ADK: variants seen among roughly 807,000 people sequenced by gnomAD.
The protein encoded by ADK is N6,N6-dimethyladenosine kinase.
A neutral mutation model predicts 44.7 loss-of-function variants in ADK; 24 were observed. That is an observed-to-expected ratio of 0.54 (90% CI 0.39 to 0.76). The LOEUF is 0.76. ADK is among the 30% of genes least tolerant of loss of function. The pLI, the probability that ADK is intolerant of heterozygous loss-of-function variation, is 0.00. For missense variants in ADK, 321 were observed against 425.1 expected, an observed-to-expected ratio of 0.76 and a Z score of 2.15; for synonymous variants, 128 against 142.6, an observed-to-expected ratio of 0.90 and a Z score of 0.73.
At chr10:74,292,068 T>C (rs1262770533) in intron 3 of ADK, among the ~76,000 whole-genome samples, 1 of 152,118 alleles carries the variant, frequency 6.6e-6, no homozygotes, top group African/African-American at 2.4e-5. Context: ...TTTTTCTTTT[T>C]CTCAAATGTA....
At chr10:74,152,974 G>A (rs4638254) in intron 1 of ADK, among the ~76,000 whole-genome samples, 70,908 of 151,984 alleles carry the variant, frequency 0.47, 18,500 homozygotes, top group Non-Finnish European at 0.59. Flanking sequence ...TTTTAGGATC[G>A]GCTATTATTA....
At chr10:74,608,520 T>G (rs1198769722) in intron 9 of ADK, among the ~76,000 whole-genome samples, 1 of 152,038 alleles carries the variant, frequency 6.6e-6, no homozygotes, top group Non-Finnish European at 1.5e-5. Flanking sequence ...TTTCTGGAGG[T>G]CCACTCCAGA....
chr10:74,670,290 T>C (rs746808359), intron 10 of ADK, 21 bp downstream of exon 10: 2 of 1,579,040 alleles, frequency 1.3e-6, no homozygotes, highest in Non-Finnish European at 1.7e-6. Flanking sequence ...ATTTATTTCA[T>C]TCTTACTTAC....
intron 1 of ADK, among the ~76,000 whole-genome samples, chr10:74,173,589 C>T (rs1842232518): frequency 6.6e-6 from 1 of 151,542 alleles, no homozygotes; most frequent in African/African-American, 2.4e-5. Flanking sequence ...TGCCACCGCG[C>T]CCAACTAATT....
chr10:74,547,183 A>G (rs1416806146), intron 7 of ADK, among the ~76,000 whole-genome samples: 1 of 152,030 alleles, frequency 6.6e-6, no homozygotes, highest in East Asian at 1.9e-4. Flanking sequence ...CTCTAAATAT[A>G]TGTGCTTAAC....
chr10:74,224,706 T>A, intron 3 of ADK, 115 bp downstream of exon 3: 1 of 816,614 alleles, frequency 1.2e-6, no homozygotes, highest in Non-Finnish European at 2.1e-6. Context: ...TAATTAACAC[T>A]ATGACCTTAA....
At chr10:74,351,854 A>G (rs1222714739) in intron 4 of ADK, among the ~76,000 whole-genome samples, 2 of 152,188 alleles carry the variant, frequency 1.3e-5, no homozygotes, top group East Asian at 3.8e-4. Flanking sequence ...AATACAACTT[A>G]TAAGGGATGT....
chr10:74,580,658 C>A (rs1199390594), intron 7 of ADK, among the ~76,000 whole-genome samples: 1 of 151,942 alleles, frequency 6.6e-6, no homozygotes, highest in Non-Finnish European at 1.5e-5. Flanking sequence ...CGTGCTCCTC[C>A]TTGCCTTCTG....
At position 74,606,436 on chromosome 10, in the gene ADK, C is replaced by G. The variant is rs146204535; in HGVS notation, c.877+5943C>G. 9.9e-5 allele frequency among the ~76,000 whole-genome samples: 15 copies of G among 151,864 alleles called. No individual in the cohort carries two copies. The East Asian group carries it at 2.9e-3, about 29-fold the overall frequency. On this transcript the variant is annotated intron_variant, in intron 9 of 10. Transcript: ENST00000539909. ...GCTGTGTCCCAGAGATTCGTTGGGT[C>G]TCTGTTCTCATTGGTTTTAAAGAAC...
chr10:74,290,848 A>G (rs1371375015), intron 3 of ADK, among the ~76,000 whole-genome samples: 2 of 152,142 alleles, frequency 1.3e-5, no homozygotes, highest in Non-Finnish European at 2.9e-5. Flanking sequence ...TGAATTTTCT[A>G]ATCTTGTGGA....
intron 3 of ADK, among the ~76,000 whole-genome samples, chr10:74,267,616 C>T (rs1846256997): frequency 6.6e-6 from 1 of 152,044 alleles, no homozygotes; most frequent in Non-Finnish European, 1.5e-5. Context: ...ATTATTGGAT[C>T]ACATATCTAA....
chr10:74,437,214 A>G (rs1244886202), intron 6 of ADK, among the ~76,000 whole-genome samples: 2 of 152,204 alleles, frequency 1.3e-5, no homozygotes, highest in East Asian at 3.8e-4. Flanking sequence ...TTTGACAAAA[A>G]TCTGAAGTTC....
At chr10:74,391,176 G>A (rs1228703983) in intron 4 of ADK, among the ~76,000 whole-genome samples, 1 of 151,988 alleles carries the variant, frequency 6.6e-6, no homozygotes, top group Non-Finnish European at 1.5e-5. Context: ...ATTGTCATAA[G>A]AGCATACTGA....
At chr10:74,610,213 A>G (rs772977220) in intron 9 of ADK, among the ~76,000 whole-genome samples, 1 of 152,224 alleles carries the variant, frequency 6.6e-6, no homozygotes, top group Admixed American at 6.5e-5. Flanking sequence ...TGATATATAC[A>G]TACAAAGGAA....
intron 1 of ADK, among the ~76,000 whole-genome samples, chr10:74,183,064 G>C (rs1842620756): frequency 3.3e-5 from 5 of 152,228 alleles, no homozygotes; most frequent in Admixed American, 2.6e-4. Flanking sequence ...AGTCCCACTT[G>C]TAGTCCCTAC....
chr10:74,654,066 TC>T (rs1231853982), intron 9 of ADK, among the ~76,000 whole-genome samples: 1 of 152,224 alleles, frequency 6.6e-6, no homozygotes, highest in Non-Finnish European at 1.5e-5. Flanking sequence ...CTAAATATTT[TC>T]CATTGCCACC....
intron 6 of ADK, among the ~76,000 whole-genome samples, chr10:74,493,167 CATTTT>C (rs535964889): frequency 7.2e-5 from 11 of 151,736 alleles, no homozygotes; most frequent in African/African-American, 2.4e-4. Flanking sequence ...TAAGATAATG[CATTTT>C]ATTTTATTTT....
In ADK at chr10:74,200,844, TATTAAACTCTTC is replaced by T. The variant is rs756877229; in HGVS notation, c.140+9_140+20del. 6.4e-7 allele frequency: 1 copy of T among 1,567,524 alleles called. No individual in the cohort carries two copies. Among genetic ancestry groups the T allele is most frequent in the Non-Finnish European group, 8.8e-7 (1 of 1,138,262 alleles). Reference sequence around the variant, plus strand: ...GACAAAGATTTCCTTGATAAGTAAGTATTAAACTCTTCATATGCACTATGTGGAACTTACATT... The same window carrying T: ...GACAAAGATTTCCTTGATAAGTAAGTATATGCACTATGTGGAACTTACATT... On this transcript the variant is annotated splice_region_variant and intron_variant, in intron 2 of 10. Coordinates refer to ENST00000539909, the MANE Select transcript of ADK (RefSeq NM_006721.4).
intron 1 of ADK, among the ~76,000 whole-genome samples, chr10:74,180,299 G>A (rs926353233): frequency 2.0e-5 from 3 of 150,322 alleles, no homozygotes; most frequent in African/African-American, 7.3e-5. Flanking sequence ...GTGCAGTGGC[G>A]CGATCTCGGC....
Sources: allele counts gnomAD v4.1 joint callset (sites outside exome capture counted in the v4.1 genomes callset), GRCh38; gene constraint gnomAD v4.1.1; transcripts MANE v1.5; gene names NCBI Gene and HGNC (gene_info 2026-07-23, HGNC 2026-07-21).